EPS8: variants seen among roughly 807,000 people sequenced by gnomAD.
EPS8 encodes the protein EGFR pathway substrate 8, signaling adaptor.
A neutral mutation model predicts 103.8 loss-of-function variants in EPS8; 42 were observed. The observed-to-expected ratio is 0.40, with a 90% CI of 0.32 to 0.52. EPS8 has a LOEUF of 0.52. EPS8 is among the 20% of genes least tolerant of loss of function. EPS8 has a pLI of 0.40. For synonymous variants in EPS8, 344 were observed against 344.6 expected, an observed-to-expected ratio of 1.00 and a Z score of 0.02; for missense variants, 969 against 1,005.1, an observed-to-expected ratio of 0.96 and a Z score of 0.49.
chr12:15,666,465 G>C lies in EPS8; in HGVS notation c.574C>G (p.Gln192Glu). Residue 192 changes from glutamine to glutamate, a missense_variant, in exon 7 of 21, where the codon CAG becomes GAG. Coordinates refer to ENST00000281172, the MANE Select transcript of EPS8 (RefSeq NM_004447.6). ...SAISDSKGGK[Q>E]KRRPDALRMI... Reference sequence around the variant, plus strand: ...CTCAGGGCGTCGGGCCGCCTCTTCTGTTTCCCTCCTTTACTGTCACTGATT... The same window carrying C: ...CTCAGGGCGTCGGGCCGCCTCTTCTCTTTCCCTCCTTTACTGTCACTGATT... The C allele has an allele frequency of 6.2e-7, 1 of 1,613,858 alleles. No homozygotes were observed. The highest frequency in any genetic ancestry group is 8.5e-7 in the Non-Finnish European group (1 of 1,179,784).
chr12:15,742,301 A>G (rs1265783156), intron 1 of EPS8, among the ~76,000 whole-genome samples: 1 of 152,186 alleles, frequency 6.6e-6, no homozygotes, highest in African/African-American at 2.4e-5. Flanking sequence ...TGTCTTCCAC[A>G]ATGGTTGAAC....
intron 5 of EPS8, 39 bp downstream of exon 5, chr12:15,669,625 T>C (rs748016851): frequency 1.3e-6 from 2 of 1,556,628 alleles, no homozygotes; most frequent in Admixed American, 3.9e-5. Context: ...ATTTGTGGAG[T>C]TTCTTGAAAA....
intron 12 of EPS8, among the ~76,000 whole-genome samples, chr12:15,655,595 C>T (rs1300694078): frequency 2.0e-5 from 3 of 152,006 alleles, no homozygotes; most frequent in Non-Finnish European, 2.9e-5. Context: ...TAACTTCCAA[C>T]CTCGAACGCA....
At chr12:15,633,334 T>G (rs997910558) in intron 17 of EPS8, among the ~76,000 whole-genome samples, 8 of 152,322 alleles carry the variant, frequency 5.3e-5, no homozygotes, top group African/African-American at 1.7e-4. Context: ...AATGTTCCCT[T>G]GACAAGAATG....
intron 2 of EPS8, 29 bp downstream of exon 2, chr12:15,682,864 A>G: frequency 8.5e-7 from 1 of 1,176,022 alleles, no homozygotes; most frequent in East Asian, 2.4e-5. Context: ...TTCCCCCAAA[A>G]CATATTAAAT....
At chr12:15,675,534 G>A (rs556635450) in intron 3 of EPS8, among the ~76,000 whole-genome samples, 288 of 152,300 alleles carry the variant, frequency 1.9e-3, no homozygotes, top group African/African-American at 6.6e-3. Flanking sequence ...AGGATGTGGA[G>A]ATTGCAGTCA....
chr12:15,695,489 A>G lies in EPS8; in HGVS notation c.-21-12517T>C, dbSNP rs74063353. On this transcript the variant is annotated intron_variant, in intron 1 of 20. Coordinates refer to ENST00000281172, the MANE Select transcript of EPS8 (RefSeq NM_004447.6). The surrounding 1 kb of genome is among the most constrained non-coding windows in gnomAD (Gnocchi z 5.0). The stretch of plus-strand genomic sequence containing the variant: ...AGTGTTGAGCACTTGAAATGTGGCT[A>G]GTGCCACTAAGAAACTGAATTTTAA... Among the ~76,000 whole-genome samples, 1,467 of 152,382 alleles carry G rather than the reference A, an allele frequency of 9.6e-3. 25 individuals carry two copies. The highest frequency in any genetic ancestry group is 0.033 in the African/African-American group (1,367 of 41,594).
rs1052647205 is a variant in EPS8, at chr12:15,747,959, G to A, written c.-22+41202C>T. 2.6e-5 allele frequency among the ~76,000 whole-genome samples: 4 copies of A among 151,942 alleles called. No homozygotes were observed. The highest frequency in any genetic ancestry group is 2.0e-4 in the Admixed American group (3 of 15,262). On this transcript the variant is annotated intron_variant, in intron 1 of 20. Transcript: ENST00000281172. The surrounding 1 kb of genome is among the most constrained non-coding windows in gnomAD (Gnocchi z 4.4). ...CGCTTGAACCCGGGAGGCGGAGATT[G>A]CAGTGAGCCGAGATCACACCACTGC...
At chr12:15,740,450 CAGG>C (rs1222213912) in intron 1 of EPS8, among the ~76,000 whole-genome samples, 1 of 151,962 alleles carries the variant, frequency 6.6e-6, no homozygotes, top group African/African-American at 2.4e-5. Flanking sequence ...GAGGCCAAGG[CAGG>C]AGAACTGCTA....
chr12:15,678,075 G>A (rs1464990798), intron 3 of EPS8, among the ~76,000 whole-genome samples: 1 of 151,896 alleles, frequency 6.6e-6, no homozygotes, highest in Non-Finnish European at 1.5e-5. Flanking sequence ...TCTTTTCCAT[G>A]TTGTTATATC....
intron 1 of EPS8, among the ~76,000 whole-genome samples, chr12:15,783,295 T>C (rs1947278191): frequency 6.6e-6 from 1 of 152,216 alleles, no homozygotes. Context: ...TACAATGTAA[T>C]ATACATATAA....
intron 14 of EPS8, among the ~76,000 whole-genome samples, chr12:15,648,293 A>C (rs1945355324): frequency 6.6e-6 from 1 of 152,198 alleles, no homozygotes; most frequent in Admixed American, 6.5e-5. Context: ...CATGATAGAC[A>C]CTGAAGCACT....
rs548984119 is a variant in EPS8 at position 15,713,525 on chromosome 12, A to G, written c.-21-30553T>C. Among the ~76,000 whole-genome samples, 1 of 152,314 alleles carries G rather than the reference A, an allele frequency of 6.6e-6. No homozygotes were observed. The highest frequency in any genetic ancestry group is 2.4e-5 in the African/African-American group (1 of 41,562). On this transcript the variant is annotated intron_variant, in intron 1 of 20. Coordinates refer to ENST00000281172, the MANE Select transcript of EPS8 (RefSeq NM_004447.6). The surrounding 1 kb of genome is among the most constrained non-coding windows in gnomAD (Gnocchi z 4.8). ...CTTCAGCACTTAAGTATAGATTGAA[A>G]TTGGTAACAAGATGCCTCTTGAAGG...
intron 3 of EPS8, among the ~76,000 whole-genome samples, chr12:15,676,466 T>G (rs1035348278): frequency 2.6e-5 from 4 of 152,056 alleles, no homozygotes; most frequent in African/African-American, 7.2e-5. Flanking sequence ...GAGATGAATC[T>G]GAATGATTTG....
At chr12:15,719,148 T>C (rs539350028) in intron 1 of EPS8, among the ~76,000 whole-genome samples, 1 of 152,230 alleles carries the variant, frequency 6.6e-6, no homozygotes, top group East Asian at 1.9e-4. Context: ...TTCCAAAGCA[T>C]GTACCTATTG....
rs201320230 is a variant in EPS8, at chr12:15,702,876, C to T, written c.-21-19904G>A. On this transcript the variant is annotated intron_variant, in intron 1 of 20. Transcript: ENST00000281172. This position sits in a 1 kb window ranked among gnomAD's most constrained non-coding sequence, Gnocchi z 5.1. ...CATAATAAGTTCATTCGAGGCTGGG[C>T]GCGGTGGCTCAGGCCTTTAATCCCA... Among the ~76,000 whole-genome samples the T allele has an allele frequency of 9.2e-5, 14 of 152,146 alleles. No homozygotes were observed. Among genetic ancestry groups the T allele is most frequent in the African/African-American group, 2.7e-4 (11 of 41,426 alleles).
intron 1 of EPS8, among the ~76,000 whole-genome samples, chr12:15,711,405 A>G (rs1591885067): frequency 6.6e-6 from 1 of 152,262 alleles, no homozygotes; most frequent in East Asian, 1.9e-4. Flanking sequence ...TCTTATATAC[A>G]ATTTGCTTAA....
In EPS8 at chr12:15,669,659, C is replaced by T. The variant is rs765982473; in HGVS notation, c.366+5G>A. On this transcript the variant is annotated splice_donor_5th_base_variant and intron_variant, in intron 5 of 20. Transcript: ENST00000281172. The stretch of plus-strand genomic sequence containing the variant: ...AATAAAATAGTATAAATTTTACACA[C>T]TTGCCTTTGATTCTAAATCAATCAG... 46 of 1,588,190 alleles carry T rather than the reference C, an allele frequency of 2.9e-5. No individual in the cohort carries two copies. Among genetic ancestry groups the T allele is most frequent in the Non-Finnish European group, 3.8e-5 (44 of 1,168,040 alleles).
chr12:15,750,091 A>G (rs1946915608), intron 1 of EPS8, among the ~76,000 whole-genome samples: 1 of 152,108 alleles, frequency 6.6e-6, no homozygotes, highest in Non-Finnish European at 1.5e-5. Context: ...GAAAACGGGG[A>G]GCCAAGAGTG....
Sources: allele counts gnomAD v4.1 joint callset (sites outside exome capture counted in the v4.1 genomes callset), GRCh38; gene constraint gnomAD v4.1.1; non-coding constraint Gnocchi (gnomAD v3.1); transcripts MANE v1.5; gene names NCBI Gene and HGNC (gene_info 2026-07-23, HGNC 2026-07-21).